Variants in C4orf17 observed in about 807,000 individuals in gnomAD.
C4orf17 encodes chromosome 4 open reading frame 17.
A neutral mutation model predicts 32.0 loss-of-function variants in C4orf17; 25 were observed. The observed-to-expected ratio is 0.78, with a 90% confidence interval of 0.57 to 1.09. The LOEUF is 1.09. Ranked by LOEUF, C4orf17 falls within the 50% of genes least tolerant of loss-of-function variation. C4orf17 has a pLI of 0.00. For missense variants in C4orf17, 420 were observed against 420.0 expected, an observed-to-expected ratio of 1.00 and a Z score of 0.00; for synonymous variants, 149 against 145.8, an observed-to-expected ratio of 1.02 and a Z score of -0.16.
At chr4:99,524,079 A>C (rs1723343470) in intron 3 of C4orf17, among the ~76,000 whole-genome samples, 1 of 146,338 alleles carries the variant, frequency 6.8e-6, no homozygotes, top group Admixed American at 7.2e-5. Context: ...TCCTGGGTTC[A>C]CGCCATTCTC....
At chr4:99,537,574 T>G in intron 5 of C4orf17, 95 bp from the exon 6 acceptor site, 1 of 865,954 alleles carries the variant, frequency 1.2e-6, no homozygotes, top group Non-Finnish European at 1.9e-6. Context: ...TACAAAGTGA[T>G]ATTTGGGAAG....
chr4:99,517,195 C>T (rs1027578590), intron 2 of C4orf17, among the ~76,000 whole-genome samples: 1 of 152,182 alleles, frequency 6.6e-6, no homozygotes, highest in East Asian at 1.9e-4. Flanking sequence ...GCAAAATTCT[C>T]TTTACATTTT....
Position 99,522,674 on chromosome 4 carries a change from CA to C in C4orf17, c.305del (p.Asn102ThrfsTer29). On this transcript the variant is annotated frameshift_variant, in exon 3 of 9. Transcript: ENST00000326581. LOFTEE classifies it high-confidence loss of function. ...ESPVRGMSPA[P>X]NGAKVPPRPH... ...CCTGTAAGAGGAATGTCGCCAGCCC[CA>C]AACGGTGCCAAAGTGCCTCCACGGC... 1 of 1,613,926 alleles carries C rather than the reference CA, an allele frequency of 6.2e-7. No homozygotes were observed. Among genetic ancestry groups the C allele is most frequent in the Non-Finnish European group, 8.5e-7 (1 of 1,179,960 alleles).
At position 99,540,274 on chromosome 4, in the gene C4orf17, A is replaced by G. The variant is rs552972936; in HGVS notation, c.837-138A>G. ...CATTGGGAAGTAAATTTAATACTGT[A>G]TGCATTAAAAAAAACAAAGAATTGG... On this transcript the variant is annotated intron_variant, in intron 7 of 8. Transcript: ENST00000326581. 6.0e-4 allele frequency: 326 copies of G among 547,336 alleles called. 2 individuals are homozygous for G. The highest frequency in any genetic ancestry group is 8.7e-4 in the Non-Finnish European group (265 of 304,666). The allele number at this position is 547,336 out of a possible 1,614,324, so 33.9% of individuals were successfully genotyped here.
chr4:99,523,964 C>T (rs1723339187), intron 3 of C4orf17, among the ~76,000 whole-genome samples: 1 of 148,432 alleles, frequency 6.7e-6, no homozygotes, highest in East Asian at 2.0e-4. Context: ...ATGTCTTATA[C>T]TAAAATATAT....
intron 5 of C4orf17, among the ~76,000 whole-genome samples, chr4:99,534,139 C>G (rs896380164): frequency 6.6e-6 from 1 of 152,150 alleles, no homozygotes; most frequent in Non-Finnish European, 1.5e-5. Flanking sequence ...TCCCTCTCCC[C>G]CAACTCCCCC....
chr4:99,533,083 A>G (rs901904193), intron 5 of C4orf17, among the ~76,000 whole-genome samples: 9 of 152,298 alleles, frequency 5.9e-5, no homozygotes, highest in African/African-American at 2.2e-4. Flanking sequence ...TTAAGAACAG[A>G]CTGGATAATG....
At chr4:99,539,080 A>G in intron 6 of C4orf17, 83 bp from the exon 7 acceptor site, 2 of 1,235,302 alleles carry the variant, frequency 1.6e-6, no homozygotes, top group Non-Finnish European at 2.3e-6. Flanking sequence ...TTTCATACTC[A>G]GGAGCTGGAT....
chr4:99,534,023 C>T (rs933319506), intron 5 of C4orf17, among the ~76,000 whole-genome samples: 1 of 152,122 alleles, frequency 6.6e-6, no homozygotes, highest in African/African-American at 2.4e-5. Flanking sequence ...GCAGGATGTG[C>T]AGGTTTGTTA....
chr4:99,537,531 T>C, intron 5 of C4orf17, 138 bp from the exon 6 acceptor site: 1 of 646,874 alleles, frequency 1.5e-6, no homozygotes. Context: ...GCTCGTGAGT[T>C]AAAAATCCCA....
intron 2 of C4orf17, among the ~76,000 whole-genome samples, chr4:99,513,682 C>G (rs1723132778): frequency 6.6e-6 from 1 of 152,064 alleles, no homozygotes; most frequent in Non-Finnish European, 1.5e-5. Flanking sequence ...TCCTTCCTCC[C>G]TTTCTTCTCT....
intron 4 of C4orf17, among the ~76,000 whole-genome samples, chr4:99,525,354 T>C (rs923553614): frequency 6.6e-6 from 1 of 152,260 alleles, no homozygotes; most frequent in Non-Finnish European, 1.5e-5. Flanking sequence ...TTTTTATTTT[T>C]AGCCAGCCTA....
Position 99,513,101 on chromosome 4 carries a change from CA to C in C4orf17, c.21del (p.Ser8LeufsTer17). 1 of 1,613,866 alleles carries C rather than the reference CA, an allele frequency of 6.2e-7. No individual in the cohort carries two copies. Among genetic ancestry groups the C allele is most frequent in the Non-Finnish European group, 8.5e-7 (1 of 1,179,834 alleles). On this transcript the variant is annotated frameshift_variant, in exon 2 of 9. Transcript: ENST00000326581. LOFTEE classifies it high-confidence loss of function. MNLNPP[T>X]SALQIEGKGS... ...ACAAACATGAACCTCAACCCCCCGACATCTGCTCTTCAGATCGAGGGCAAAG... is the reference window on the plus strand; with the variant it reads ...ACAAACATGAACCTCAACCCCCCGACTCTGCTCTTCAGATCGAGGGCAAAG...
At chr4:99,518,580 GA>G (rs1560585668) in intron 2 of C4orf17, among the ~76,000 whole-genome samples, 4 of 120,228 alleles carry the variant, frequency 3.3e-5, no homozygotes, top group Non-Finnish European at 4.8e-5. Flanking sequence ...GAGAGAGAGA[GA>G]GAGGGAGGGA....
Position 99,542,286 on chromosome 4 carries a change from A to G in C4orf17, c.*177A>G. Reference sequence around the variant, plus strand: ...ACAAATAAATATTACTGGAAATGATATTTCCATTTGTAGTTAATACGATGT... The same window carrying G: ...ACAAATAAATATTACTGGAAATGATGTTTCCATTTGTAGTTAATACGATGT... On this transcript the variant is annotated 3_prime_UTR_variant, in exon 9 of 9. Transcript: ENST00000326581. 1.6e-6 allele frequency: 1 copy of G among 627,352 alleles called. No individual in the cohort carries two copies. The highest frequency in any genetic ancestry group is 2.8e-5 in the East Asian group (1 of 35,766). 38.9% of individuals were successfully genotyped at this position (627,352 alleles called of 1,614,324 possible). A position where few individuals can be genotyped will look rare whatever the true frequency, so the allele number is the denominator to read the frequency against.
intron 2 of C4orf17, among the ~76,000 whole-genome samples, chr4:99,521,965 C>A (rs1275963242): frequency 6.6e-6 from 1 of 152,190 alleles, no homozygotes; most frequent in Non-Finnish European, 1.5e-5. Flanking sequence ...ATACCAACTT[C>A]TCCTTCCTCC....
chr4:99,520,357 A>C (rs1723266198), intron 2 of C4orf17, among the ~76,000 whole-genome samples: 1 of 152,152 alleles, frequency 6.6e-6, no homozygotes, highest in African/African-American at 2.4e-5. Flanking sequence ...AGCCTCCCAA[A>C]GTGCTGGGAT....
chr4:99,528,929 A>G (rs1028735837), intron 4 of C4orf17, among the ~76,000 whole-genome samples: 3 of 152,206 alleles, frequency 2.0e-5, no homozygotes, highest in African/African-American at 4.8e-5. Context: ...TGGATTTGTT[A>G]TACATCATCT....
rs1329320417 is a variant in C4orf17 at position 99,542,000 on chromosome 4, G to T, written c.971G>T (p.Arg324Met). 6.2e-7 allele frequency: 1 copy of T among 1,613,968 alleles called. No homozygotes were observed. The highest frequency in any genetic ancestry group is 8.5e-7 in the Non-Finnish European group (1 of 1,179,922). ...EYFSKPNSPP[R>M]PNTQESGSAK... is the part of the protein sequence containing the mutation. Reference sequence around the variant, plus strand: ...TTCAGCAAACCAAATTCTCCTCCCAGGCCTAACACTCAGGAGAGTGGATCA... The same window carrying T: ...TTCAGCAAACCAAATTCTCCTCCCATGCCTAACACTCAGGAGAGTGGATCA... Residue 324 changes from arginine to methionine, a missense_variant, in exon 9 of 9, where the codon AGG (arginine) becomes ATG (methionine). By Grantham distance (91) the Arg-to-Met change is moderately conservative. Coordinates refer to ENST00000326581, the MANE Select transcript of C4orf17 (RefSeq NM_032149.3).
Sources: allele counts gnomAD v4.1 joint callset (sites outside exome capture counted in the v4.1 genomes callset), GRCh38; gene constraint gnomAD v4.1.1; transcripts MANE v1.5; gene names NCBI Gene and HGNC (gene_info 2026-07-23, HGNC 2026-07-21).